The following SLC1A1 variants were observed in gnomAD, a reference collection of about 807,000 sequenced individuals.
SLC1A1 encodes the protein excitatory amino acid transporter 3.
A neutral mutation model predicts 53.3 loss-of-function variants in SLC1A1; 43 were observed. The ratio of observed to expected loss-of-function variants is 0.81; its 90% CI spans 0.63 to 1.04. The LOEUF is 1.04. Among genes scored for constraint, SLC1A1 ranks in the 50% least tolerant of loss-of-function variants. The pLI is 0.00. For missense variants in SLC1A1, 748 were observed against 664.9 expected, an observed-to-expected ratio of 1.12 and a Z score of -1.37; for synonymous variants, 307 against 243.2, an observed-to-expected ratio of 1.26 and a Z score of -2.44.
intron 8 of SLC1A1, 26 bp from the exon 9 acceptor site, chr9:4,575,975 C>T (rs763117959): frequency 7.4e-6 from 12 of 1,612,660 alleles, no homozygotes; most frequent in Non-Finnish European, 5.9e-6. Flanking sequence ...ATCTTTGAAA[C>T]TTTAATTTCT....
intron 2 of SLC1A1, among the ~76,000 whole-genome samples, chr9:4,557,189 T>G (rs1235128824): frequency 1.3e-5 from 2 of 152,176 alleles, no homozygotes; most frequent in Non-Finnish European, 2.9e-5. Context: ...AGTACAAACA[T>G]TCGTAGAGCA....
At chr9:4,530,276 T>A (rs1040120358) in intron 1 of SLC1A1, among the ~76,000 whole-genome samples, 3 of 152,190 alleles carry the variant, frequency 2.0e-5, no homozygotes, top group Non-Finnish European at 4.4e-5. Context: ...GGATAAAGTC[T>A]GGATAACTGA....
chr9:4,578,270 C>T (rs1189869274), intron 10 of SLC1A1, among the ~76,000 whole-genome samples: 1 of 152,142 alleles, frequency 6.6e-6, no homozygotes. Flanking sequence ...TGATCTTGGG[C>T]AAGTGACTTG....
intron 1 of SLC1A1, among the ~76,000 whole-genome samples, chr9:4,541,679 AG>A (rs1328796637): frequency 6.6e-6 from 1 of 152,266 alleles, no homozygotes; most frequent in Admixed American, 6.5e-5. Flanking sequence ...TATGTGACTC[AG>A]GTTCCATAAT....
chr9:4,513,120 T>A (rs983790351), intron 1 of SLC1A1, among the ~76,000 whole-genome samples: 22 of 151,608 alleles, frequency 1.5e-4, no homozygotes, highest in Non-Finnish European at 2.9e-4. Flanking sequence ...GAAGAAAACA[T>A]AGGGGTAAAA....
chr9:4,537,028 C>G (rs1332901861), intron 1 of SLC1A1, among the ~76,000 whole-genome samples: 1 of 151,838 alleles, frequency 6.6e-6, no homozygotes, highest in Admixed American at 6.6e-5. Context: ...GAATATCACA[C>G]ACCAGGGCCT....
At chr9:4,584,770 T>G (rs192891648) in intron 11 of SLC1A1, among the ~76,000 whole-genome samples, 1 of 152,300 alleles carries the variant, frequency 6.6e-6, no homozygotes, top group East Asian at 1.9e-4. Context: ...ACCTGTGTTT[T>G]CTGACCCCGT....
In SLC1A1 at chr9:4,587,130, A is replaced by G. The variant is rs754398690; in HGVS notation, c.*1572A>G. On this transcript the variant is annotated 3_prime_UTR_variant, in exon 12 of 12. Coordinates refer to ENST00000262352, the MANE Select transcript of SLC1A1 (RefSeq NM_004170.6). ...GATAAGTGCTCAGTATTGACGACCT[A>G]CATCTGAAATCTACAACATAATGAT... The G allele has an allele frequency of 1.3e-5, 2 of 152,654 alleles. No homozygotes were observed. The highest frequency in any genetic ancestry group is 2.9e-5 in the Non-Finnish European group (2 of 68,034). 9.5% of individuals were successfully genotyped at this position (152,654 alleles called of 1,614,324 possible).
chr9:4,572,276 T>G lies in SLC1A1; in HGVS notation c.655T>G (p.Cys219Gly). 1 of 1,614,200 alleles carries G rather than the reference T, an allele frequency of 6.2e-7. No homozygotes were observed. Among genetic ancestry groups the G allele is most frequent in the Non-Finnish European group, 8.5e-7 (1 of 1,179,996 alleles). The change falls in exon 7 of 12, where the codon TGC becomes GGC. Residue 219 changes from cysteine to glycine, a missense_variant. Coordinates refer to ENST00000262352, the MANE Select transcript of SLC1A1 (RefSeq NM_004170.6). ...AAACGTCCTGGGCTTGATTGTCTTT[T>G]GCCTTGTCTTTGGACTTGTCATTGG... ...GINVLGLIVF[C>G]LVFGLVIGKM... is the part of the protein sequence containing the mutation.
In SLC1A1 at chr9:4,502,678, T is replaced by A. The variant is rs183447143; in HGVS notation, c.91+11908T>A. Among the ~76,000 whole-genome samples the A allele has an allele frequency of 1.3e-4, 19 of 151,870 alleles. No individual in the cohort carries two copies. In the East Asian group the frequency reaches 3.7e-3, roughly 29 times the overall value. ...AGGATTAGCACCCAGGACTGTCTGA[T>A]TCCAAAGCTTAGGTTACTAATTATT... On this transcript the variant is annotated intron_variant, in intron 1 of 11. Transcript: ENST00000262352.
At position 4,575,962 on chromosome 9, in the gene SLC1A1, A is replaced by T. The variant is rs200945930; in HGVS notation, c.876-39A>T. On this transcript the variant is annotated intron_variant, in intron 8 of 11. Coordinates refer to ENST00000262352, the MANE Select transcript of SLC1A1 (RefSeq NM_004170.6). ...AAAGGATTAAGTGTGGGGAGGTGGT[A>T]TTATCTTTGAAACTTTAATTTCTCT... The T allele has an allele frequency of 1.2e-4, 190 of 1,609,238 alleles. 1 individual carries two copies. The highest frequency in any genetic ancestry group is 1.5e-4 in the Non-Finnish European group (179 of 1,175,706).
chr9:4,528,499 C>T lies in SLC1A1; in HGVS notation c.92-16068C>T, dbSNP rs578088220. 2.2e-4 allele frequency among the ~76,000 whole-genome samples: 33 copies of T among 152,176 alleles called. No homozygotes were observed. In the South Asian group the frequency reaches 6.4e-3, roughly 30 times the overall value. Reference sequence around the variant, plus strand: ...ACTGAGGCAGGAGAATGGCGTGAACCCGGGAGGCGGAGGTTGCAGTGAGCC... The same window carrying T: ...ACTGAGGCAGGAGAATGGCGTGAACTCGGGAGGCGGAGGTTGCAGTGAGCC... On this transcript the variant is annotated intron_variant, in intron 1 of 11. Transcript: ENST00000262352.
At chr9:4,491,694 C>A (rs1024144582) in intron 1 of SLC1A1, among the ~76,000 whole-genome samples, 1 of 152,196 alleles carries the variant, frequency 6.6e-6, no homozygotes, top group South Asian at 2.1e-4. Flanking sequence ...AGCGCCATAT[C>A]TGTCGCCTTC....
Position 4,528,820 on chromosome 9 carries a change from A to G in SLC1A1, c.92-15747A>G, listed in dbSNP as rs143960412. ...TCTTTGTGACACTGATACCCTTATCAACACACTTCATCCACGTCTCTTTCT... is the reference window on the plus strand; with the variant it reads ...TCTTTGTGACACTGATACCCTTATCGACACACTTCATCCACGTCTCTTTCT... On this transcript the variant is annotated intron_variant, in intron 1 of 11. Transcript: ENST00000262352. Among the ~76,000 whole-genome samples the G allele has an allele frequency of 3.1e-3, 476 of 152,198 alleles. 1 individual carries two copies. The highest frequency in any genetic ancestry group is 0.011 in the African/African-American group (447 of 41,542).
intron 1 of SLC1A1, among the ~76,000 whole-genome samples, chr9:4,511,709 C>T (rs533915751): frequency 3.4e-4 from 51 of 152,122 alleles, no homozygotes; most frequent in African/African-American, 1.2e-3. Flanking sequence ...GAATATCTCA[C>T]TGGAAACCTG....
Position 4,537,598 on chromosome 9 carries a change from T to TAAAAA in SLC1A1, c.92-6959_92-6955dup, listed in dbSNP as rs552005556. 6.4e-5 allele frequency among the ~76,000 whole-genome samples: 8 copies of TAAAAA among 124,996 alleles called. 1 individual carries two copies. The highest frequency in any genetic ancestry group is 8.4e-5 in the Non-Finnish European group (5 of 59,530). The allele number at this position is 124,996 out of a possible 152,430, so 82.0% of individuals were successfully genotyped here. A position where few individuals can be genotyped will look rare whatever the true frequency, so the allele number is the denominator to read the frequency against. On this transcript the variant is annotated intron_variant, in intron 1 of 11. Transcript: ENST00000262352. ...TAAAATAAAATAAAATAAAATAAAA[T>TAAAAA]AAAAAAAAAAAAAATCACATGCTAC...
At chr9:4,572,129 TCTCATTTCTGGAC>T in intron 6 of SLC1A1, 62 bp from the exon 7 acceptor site, 2 of 1,255,934 alleles carry the variant, frequency 1.6e-6, no homozygotes, top group South Asian at 2.4e-5. Context: ...CATTGTATCT[TCTCATTTCTGGAC>T]CTGTGCTTTC....
Position 4,585,778 on chromosome 9 carries a change from G to C in SLC1A1, c.*220G>C. The C allele has an allele frequency of 1.0e-5, 6 of 576,854 alleles. No homozygotes were observed. The South Asian group carries it at 1.2e-4, about 12-fold the overall frequency. 35.7% of individuals were successfully genotyped at this position (576,854 alleles called of 1,614,324 possible). A position where few individuals can be genotyped will look rare whatever the true frequency, so the allele number is the denominator to read the frequency against. The stretch of plus-strand genomic sequence containing the variant: ...TGAAGGGAAATCAATTTAAAGGAAA[G>C]TTCTATTATCTGGGTTTTAGAAATT... On this transcript the variant is annotated 3_prime_UTR_variant, in exon 12 of 12. Coordinates refer to ENST00000262352, the MANE Select transcript of SLC1A1 (RefSeq NM_004170.6).
intron 1 of SLC1A1, among the ~76,000 whole-genome samples, chr9:4,540,014 C>G (rs56369108): frequency 0.14 from 20,640 of 152,178 alleles, 1,670 homozygotes; most frequent in African/African-American, 0.2. Context: ...AACATACATT[C>G]TTGTTTTCCT....
Sources: allele counts gnomAD v4.1 joint callset (sites outside exome capture counted in the v4.1 genomes callset), GRCh38; gene constraint gnomAD v4.1.1; transcripts MANE v1.5; gene names NCBI Gene and HGNC (gene_info 2026-07-23, HGNC 2026-07-21).